NR3C2: variants seen among roughly 807,000 people sequenced by gnomAD.
NR3C2 encodes nuclear receptor subfamily 3 group C member 2, also known as mineralocorticoid receptor.
Under a neutral mutation model 86.4 loss-of-function variants are expected in NR3C2, and 15 were observed. That is an observed-to-expected ratio of 0.17 (90% CI 0.12 to 0.27). The LOEUF (loss-of-function observed/expected upper bound fraction) is 0.27, where lower values mean the gene tolerates loss of function less well. Ranked by LOEUF, NR3C2 falls within the 10% of genes least tolerant of loss-of-function variation. The pLI, the probability that NR3C2 is intolerant of heterozygous loss-of-function variation, is 1.00. For synonymous variants in NR3C2, 458 were observed against 450.5 expected (o/e 1.02, Z -0.21); for missense variants, 960 against 1,195.6 (o/e 0.80, Z 2.91).
rs910722547 is a variant in NR3C2, at chr4:148,230,259, T to C, written c.1897+29719A>G. 2.0e-5 allele frequency among the ~76,000 whole-genome samples: 3 copies of C among 152,210 alleles called. 1 individual carries two copies. The South Asian group carries it at 6.2e-4, about 31-fold the overall frequency. ...CCCAGGCTGGAGTGCAGTGGTGTGA[T>C]CTTGGCTCACTGCAACCTCCGCCTC... On this transcript the variant is annotated intron_variant, in intron 3 of 8. Transcript: ENST00000358102.
chr4:148,311,057 T>C (rs1435105111), intron 2 of NR3C2, among the ~76,000 whole-genome samples: 2 of 152,184 alleles, frequency 1.3e-5, no homozygotes, highest in East Asian at 3.9e-4. Context: ...TCTTGAAATA[T>C]GTTCTTTGTT....
intron 2 of NR3C2, among the ~76,000 whole-genome samples, chr4:148,299,309 T>C (rs979800575): frequency 5.9e-5 from 9 of 152,172 alleles, no homozygotes; most frequent in African/African-American, 2.2e-4. Flanking sequence ...CCCTTTTTTT[T>C]CTGAGGCTTT....
chr4:148,167,474 C>T (rs961758111), intron 4 of NR3C2, among the ~76,000 whole-genome samples: 4 of 152,136 alleles, frequency 2.6e-5, no homozygotes, highest in African/African-American at 9.7e-5. Context: ...TAAGATTAGA[C>T]ATTCTCTTTT....
intron 8 of NR3C2, 141 bp downstream of exon 8, chr4:148,113,963 T>C (rs1355648542): frequency 4.0e-6 from 4 of 1,006,844 alleles, no homozygotes; most frequent in Non-Finnish European, 6.1e-6. Flanking sequence ...TTCAGCCCCT[T>C]GGACATGGCG....
chr4:148,276,202 C>T (rs9997290), intron 2 of NR3C2, among the ~76,000 whole-genome samples: 16,474 of 152,020 alleles, frequency 0.11, 1,876 homozygotes, highest in African/African-American at 0.29. Context: ...AAGGAAGGCA[C>T]GTGCAGTGGG....
intron 2 of NR3C2, among the ~76,000 whole-genome samples, chr4:148,321,807 A>G (rs1743612451): frequency 1.3e-5 from 2 of 152,186 alleles, no homozygotes; most frequent in South Asian, 4.1e-4. Flanking sequence ...AATACAGCAC[A>G]CTGTTGGGTC....
At chr4:148,417,241 T>C (rs1046074985) in intron 2 of NR3C2, among the ~76,000 whole-genome samples, 8 of 152,222 alleles carry the variant, frequency 5.3e-5, no homozygotes, top group Admixed American at 3.9e-4. Context: ...GTTTGGCATA[T>C]GGGAATTTTG....
chr4:148,154,277 G>A (rs1206617328), intron 5 of NR3C2, among the ~76,000 whole-genome samples: 1 of 152,066 alleles, frequency 6.6e-6, no homozygotes, highest in Non-Finnish European at 1.5e-5. Flanking sequence ...ACCTGCCTTG[G>A]CCTCCCAAAG....
chr4:148,412,157 C>T lies in NR3C2; in HGVS notation c.1757+22947G>A, dbSNP rs376020425. On this transcript the variant is annotated intron_variant, in intron 2 of 8. Coordinates refer to ENST00000358102, the MANE Select transcript of NR3C2 (RefSeq NM_000901.5). ...GGACTAATGCCTGGAAAGCACATCACGACTGAGACTCGGTGAACACAATAA... is the reference window on the plus strand; with the variant it reads ...GGACTAATGCCTGGAAAGCACATCATGACTGAGACTCGGTGAACACAATAA... 2.6e-5 allele frequency among the ~76,000 whole-genome samples: 4 copies of T among 152,126 alleles called. No individual in the cohort carries two copies. In the South Asian group the frequency reaches 8.3e-4, roughly 32 times the overall value.
chr4:148,146,118 A>G lies in NR3C2; in HGVS notation c.2510+6351T>C, dbSNP rs529504528. 1.2e-3 allele frequency among the ~76,000 whole-genome samples: 176 copies of G among 152,300 alleles called. 3 individuals are homozygous for G. Among genetic ancestry groups the G allele is most frequent in the Admixed American group, 4.6e-4 (7 of 15,308 alleles). On this transcript the variant is annotated intron_variant, in intron 6 of 8. Coordinates refer to ENST00000358102, the MANE Select transcript of NR3C2 (RefSeq NM_000901.5). ...GGGCTGGGGAGAGAGAAGGAAGAAC[A>G]AAAGCAGCCATTGAAGGAGGAGCTG... is the stretch of plus-strand genomic sequence containing the variant.
chr4:148,194,676 A>C (rs1315399691), intron 4 of NR3C2, 70 bp downstream of exon 4: 1 of 1,009,102 alleles, frequency 9.9e-7, no homozygotes, highest in African/African-American at 1.6e-5. Context: ...CAATTTTGAG[A>C]GTACACAGAT....
chr4:148,129,158 T>C (rs1732889687), intron 6 of NR3C2, among the ~76,000 whole-genome samples: 1 of 152,242 alleles, frequency 6.6e-6, no homozygotes, highest in Non-Finnish European at 1.5e-5. Context: ...GATAAACATG[T>C]GGTATATGTA....
intron 6 of NR3C2, among the ~76,000 whole-genome samples, chr4:148,141,764 C>T (rs754860789): frequency 1.1e-4 from 16 of 152,078 alleles, no homozygotes; most frequent in African/African-American, 3.1e-4. Flanking sequence ...CATAGGACTG[C>T]GAACCCTAGC....
At chr4:148,269,424 A>G (rs906078835) in intron 2 of NR3C2, among the ~76,000 whole-genome samples, 1 of 152,212 alleles carries the variant, frequency 6.6e-6, no homozygotes, top group African/African-American at 2.4e-5. Context: ...AAAGTAAAAA[A>G]AAATCACTCC....
intron 2 of NR3C2, among the ~76,000 whole-genome samples, chr4:148,404,456 GTGT>G: frequency 6.6e-6 from 1 of 152,126 alleles, no homozygotes; most frequent in East Asian, 1.9e-4. Flanking sequence ...AGTCTTTATT[GTGT>G]TGTTTGTTTT....
At chr4:148,275,814 A>G (rs1740933730) in intron 2 of NR3C2, among the ~76,000 whole-genome samples, 1 of 152,242 alleles carries the variant, frequency 6.6e-6, no homozygotes, top group South Asian at 2.1e-4. Flanking sequence ...CCATCAGGGA[A>G]AAAAACTGGA....
At chr4:148,144,208 T>C (rs12502713) in intron 6 of NR3C2, among the ~76,000 whole-genome samples, 101,610 of 151,948 alleles carry the variant, frequency 0.67, 34,091 homozygotes, top group East Asian at 0.79. Context: ...AATGACTTTT[T>C]TTTTCTTTCT....
chr4:148,099,205 G>T (rs536104273), intron 8 of NR3C2, among the ~76,000 whole-genome samples: 1 of 152,166 alleles, frequency 6.6e-6, no homozygotes, highest in African/African-American at 2.4e-5. Context: ...GAACATAAGG[G>T]GTCCCTCGTT....
At chr4:148,393,494 T>G (rs1481033537) in intron 2 of NR3C2, among the ~76,000 whole-genome samples, 1 of 152,150 alleles carries the variant, frequency 6.6e-6, no homozygotes, top group African/African-American at 2.4e-5. Context: ...CTCAGATACC[T>G]TGGGAGCTGG....
Sources: allele counts gnomAD v4.1 joint callset (sites outside exome capture counted in the v4.1 genomes callset), GRCh38; gene constraint gnomAD v4.1.1; transcripts MANE v1.5; gene names NCBI Gene and HGNC (gene_info 2026-07-23, HGNC 2026-07-21).